Variants in SDK1 observed in about 807,000 individuals in gnomAD.
SDK1 encodes sidekick cell adhesion molecule 1.
SDK1 carries 157 observed loss-of-function variants against 245.5 expected under a neutral mutation model. The ratio of observed to expected loss-of-function variants is 0.64; its 90% confidence interval spans 0.56 to 0.73. The LOEUF is 0.73. SDK1 is among the 30% of genes least tolerant of loss of function. SDK1 has a pLI of 0.00. For synonymous variants in SDK1, 1,647 were observed against 1,278.5 expected (o/e 1.29, Z -6.15); for missense variants, 3,583 against 3,002.3 (o/e 1.19, Z -4.52).
chr7:4,148,577 G>A (rs1780145386), intron 29 of SDK1, among the ~76,000 whole-genome samples: 2 of 152,174 alleles, frequency 1.3e-5, no homozygotes, highest in African/African-American at 4.8e-5. Context: ...CGTTAAAGGT[G>A]GACTGAGCAC....
intron 20 of SDK1, among the ~76,000 whole-genome samples, chr7:4,074,650 C>G (rs142587689): frequency 1.3e-5 from 2 of 151,662 alleles, no homozygotes; most frequent in South Asian, 2.1e-4. Context: ...CGCTTGATAC[C>G]AGGAGTTTGA....
chr7:3,372,155 C>G (rs1781243540), intron 1 of SDK1, among the ~76,000 whole-genome samples: 1 of 152,116 alleles, frequency 6.6e-6, no homozygotes, highest in African/African-American at 2.4e-5. Context: ...GGAGACCACC[C>G]TTAGATTTTA....
chr7:4,092,736 G>T (rs1000860171), intron 22 of SDK1, among the ~76,000 whole-genome samples: 1 of 152,132 alleles, frequency 6.6e-6, no homozygotes, highest in Non-Finnish European at 1.5e-5. Flanking sequence ...CTGGGGCGCC[G>T]GGAGGACACT....
chr7:3,951,122 G>A, intron 6 of SDK1, 88 bp downstream of exon 6: 3 of 1,002,298 alleles, frequency 3.0e-6, no homozygotes, highest in South Asian at 2.7e-5. Context: ...GGAGCATGAG[G>A]TTCAGCCTTC....
chr7:3,597,724 C>T (rs985325435), intron 1 of SDK1, among the ~76,000 whole-genome samples: 8 of 152,072 alleles, frequency 5.3e-5, no homozygotes, highest in Admixed American at 6.6e-5. Context: ...GCAATGGCCT[C>T]CCATAATTTT....
intron 1 of SDK1, among the ~76,000 whole-genome samples, chr7:3,573,943 C>T (rs1409442970): frequency 1.3e-5 from 2 of 152,014 alleles, no homozygotes; most frequent in African/African-American, 2.4e-5. Flanking sequence ...ATTCTACATG[C>T]ATTTACTGAA....
intron 1 of SDK1, among the ~76,000 whole-genome samples, chr7:3,450,428 G>C (rs1780476446): frequency 6.6e-6 from 1 of 152,136 alleles, no homozygotes; most frequent in African/African-American, 2.4e-5. Flanking sequence ...GAAATGTTTG[G>C]GGCAGATAAT....
At chr7:3,722,752 C>T (rs910415703) in intron 4 of SDK1, among the ~76,000 whole-genome samples, 3 of 152,178 alleles carry the variant, frequency 2.0e-5, no homozygotes, top group African/African-American at 7.2e-5. Flanking sequence ...CGGGGACTCG[C>T]GCGGGTGGCT....
intron 5 of SDK1, among the ~76,000 whole-genome samples, chr7:3,827,930 G>T (rs1227420923): frequency 6.6e-6 from 1 of 152,174 alleles, no homozygotes; most frequent in African/African-American, 2.4e-5. Context: ...TAAGCAGTGA[G>T]ATTTCAGCAT....
At chr7:4,116,924 T>G (rs1025039444) in intron 25 of SDK1, among the ~76,000 whole-genome samples, 4 of 152,194 alleles carry the variant, frequency 2.6e-5, no homozygotes. Flanking sequence ...TCCTTCAGAC[T>G]GAAGCTTTCA....
intron 1 of SDK1, among the ~76,000 whole-genome samples, chr7:3,350,224 CAG>C (rs1462163448): frequency 1.3e-5 from 2 of 152,062 alleles, no homozygotes; most frequent in Admixed American, 6.6e-5. Context: ...GGATGTGCCA[CAG>C]AGGAAGAAGT....
At chr7:3,922,690 T>A (rs150970614) in intron 5 of SDK1, among the ~76,000 whole-genome samples, 2 of 152,368 alleles carry the variant, frequency 1.3e-5, no homozygotes, top group African/African-American at 4.8e-5. Flanking sequence ...CTCTTGTCAG[T>A]TTGATTTGCT....
intron 1 of SDK1, among the ~76,000 whole-genome samples, chr7:3,324,526 G>C (rs2128548682): frequency 6.6e-6 from 1 of 152,220 alleles, no homozygotes; most frequent in African/African-American, 2.4e-5. Context: ...AAGTTTGTTT[G>C]CTCCTGAGTA....
intron 1 of SDK1, among the ~76,000 whole-genome samples, chr7:3,546,885 A>T (rs1779241366): frequency 6.6e-6 from 1 of 152,222 alleles, no homozygotes. Context: ...CAAGCATTTA[A>T]AAGTCATCAT....
At position 3,532,364 on chromosome 7, in the gene SDK1, T is replaced by C. The variant is rs544206828; in HGVS notation, c.299-86716T>C. On this transcript the variant is annotated intron_variant, in intron 1 of 44. Transcript: ENST00000404826. The stretch of plus-strand genomic sequence containing the variant: ...CTTTTTTATTAGTTGTTATCAGGCA[T>C]TCACATCTTCCCACTTTGGTTCTGG... Among the ~76,000 whole-genome samples the C allele has an allele frequency of 1.6e-3, 244 of 152,270 alleles. 1 individual carries two copies. Among genetic ancestry groups the C allele is most frequent in the African/African-American group, 5.8e-3 (239 of 41,564 alleles).
At chr7:4,160,968 T>G (rs1781075215) in intron 31 of SDK1, among the ~76,000 whole-genome samples, 1 of 152,206 alleles carries the variant, frequency 6.6e-6, no homozygotes, top group Non-Finnish European at 1.5e-5. Flanking sequence ...CAAGTGTGCC[T>G]GTGGGAAGAA....
chr7:3,673,386 T>C (rs980991725), intron 4 of SDK1, among the ~76,000 whole-genome samples: 1 of 152,228 alleles, frequency 6.6e-6, no homozygotes, highest in East Asian at 1.9e-4. Flanking sequence ...GAAAGAGTCT[T>C]TTCCTGGAAG....
At chr7:4,132,473 GCA>G in intron 28 of SDK1, 50 bp downstream of exon 28, 1 of 1,380,052 alleles carries the variant, frequency 7.2e-7, no homozygotes, top group Non-Finnish European at 1.0e-6. Context: ...TGTCATCCCA[GCA>G]CCTTGGGAGA....
At position 4,161,849 on chromosome 7, in the gene SDK1, A is replaced by G. The variant is rs776107313; in HGVS notation, c.4793A>G (p.Gln1598Arg). 2.2e-5 allele frequency: 36 copies of G among 1,613,800 alleles called. No individual in the cohort carries two copies. Among genetic ancestry groups the G allele is most frequent in the Non-Finnish European group, 2.9e-5 (34 of 1,179,806 alleles). ...CACACCACGTCCTCTGTCCTGATAC[A>G]GTGGCAGGTAAGAGCGCGGGGAATC... ...TPHTTSSVLIQWQPPRDESLN... is the reference protein window; with the variant it reads ...TPHTTSSVLIRWQPPRDESLN... Residue 1598 changes from glutamine to arginine, a missense_variant, in exon 32 of 45, where the codon CAG (glutamine) becomes CGG (arginine). Gln to Arg is a conservative substitution (Grantham distance 43). Coordinates refer to ENST00000404826, the MANE Select transcript of SDK1 (RefSeq NM_152744.4).
Sources: gnomAD v4.1 joint callset for allele counts (sites outside exome capture counted in the v4.1 genomes callset) on GRCh38, gnomAD v4.1.1 for gene constraint, MANE v1.5 for transcripts, NCBI Gene and HGNC (gene_info 2026-07-23, HGNC 2026-07-21) for gene names.